The following STK3 variants were observed in gnomAD, a reference collection of about 807,000 sequenced individuals.
The protein encoded by STK3 is serine/threonine kinase 3, also known as serine/threonine-protein kinase 3.
Under a neutral mutation model 58.0 loss-of-function variants are expected in STK3, and 41 were observed. That is an observed-to-expected ratio of 0.71 (90% confidence interval 0.55 to 0.92). The LOEUF is 0.92. STK3 is among the 40% of genes least tolerant of loss of function. STK3 has a pLI of 0.00. For missense variants in STK3, 479 were observed against 602.7 expected (o/e 0.79, Z 2.15); for synonymous variants, 170 against 191.0 (o/e 0.89, Z 0.91).
intron 1 of STK3, among the ~76,000 whole-genome samples, chr8:98,923,854 T>TGTGCGCGCGCGC (rs1491486943): frequency 1.8e-5 from 2 of 113,620 alleles, no homozygotes; most frequent in Non-Finnish European, 3.8e-5. Flanking sequence ...TGTGTGTGTG[T>TGTGCGCGCGCGC]GCGCGCGCGC....
At position 98,737,001 on chromosome 8, in the gene STK3, G is replaced by A. The variant is rs139279926; in HGVS notation, c.351+12275C>T. Among the ~76,000 whole-genome samples, 177 of 152,250 alleles carry A rather than the reference G, an allele frequency of 1.2e-3. 1 individual carries two copies. The highest frequency in any genetic ancestry group is 4.2e-3 in the African/African-American group (175 of 41,546). On this transcript the variant is annotated intron_variant, in intron 4 of 10. Transcript: ENST00000419617. ...ATTATAAAGTTAAGGTCTCACATCAGAACAGGATTATGCTGTCACAACAAC... is the reference window on the plus strand; with the variant it reads ...ATTATAAAGTTAAGGTCTCACATCAAAACAGGATTATGCTGTCACAACAAC...
chr8:98,712,544 T>C (rs942046329), intron 4 of STK3, among the ~76,000 whole-genome samples: 2 of 151,322 alleles, frequency 1.3e-5, no homozygotes, highest in African/African-American at 4.9e-5. Flanking sequence ...AGAAGGCCAT[T>C]ACATAATGGT....
chr8:98,785,049 A>G (rs1832369385), intron 1 of STK3, among the ~76,000 whole-genome samples: 1 of 152,042 alleles, frequency 6.6e-6, no homozygotes, highest in African/African-American at 2.4e-5. Context: ...TACATAGATT[A>G]TGGTGCAGCA....
upstream of STK3, among the ~76,000 whole-genome samples, chr8:98,391,199 T>C (rs1304672618): frequency 6.6e-6 from 1 of 152,218 alleles, no homozygotes. Context: ...TAGCAGGCAA[T>C]GAACCTGGTT....
At chr8:98,916,153 G>A (rs974679054) in intron 1 of STK3, among the ~76,000 whole-genome samples, 8 of 152,158 alleles carry the variant, frequency 5.3e-5, no homozygotes, top group African/African-American at 1.4e-4. Context: ...GGTGGCTCAC[G>A]CCTGTAATCC....
At chr8:98,885,503 G>A (rs749837083) in intron 1 of STK3, among the ~76,000 whole-genome samples, 2 of 152,178 alleles carry the variant, frequency 1.3e-5, no homozygotes, top group Non-Finnish European at 2.9e-5. Context: ...GCAATGGCGC[G>A]ATCTCGGCTC....
At chr8:98,893,336 G>A (rs1019034845) in intron 1 of STK3, among the ~76,000 whole-genome samples, 8 of 150,788 alleles carry the variant, frequency 5.3e-5, no homozygotes, top group Admixed American at 1.3e-4. Flanking sequence ...TTGCAGTGAG[G>A]CAAGATTGCA....
chr8:98,788,442 AAAACAAAC>A (rs551372318), intron 1 of STK3, among the ~76,000 whole-genome samples: 3 of 151,492 alleles, frequency 2.0e-5, no homozygotes, highest in East Asian at 3.9e-4. Flanking sequence ...CATCTCAGAA[AAAACAAAC>A]AAACAAACAA....
At chr8:98,705,869 A>G (rs1382634242) in intron 6 of STK3, among the ~76,000 whole-genome samples, 2 of 152,200 alleles carry the variant, frequency 1.3e-5, no homozygotes, top group Non-Finnish European at 2.9e-5. Flanking sequence ...TATGCAAAAT[A>G]TATATTTCAA....
At chr8:98,666,936 G>A (rs1822412385) in intron 6 of STK3, among the ~76,000 whole-genome samples, 3 of 152,030 alleles carry the variant, frequency 2.0e-5, no homozygotes, top group Non-Finnish European at 4.4e-5. Context: ...ACCTTAATTC[G>A]TATATCTTGA....
chr8:98,647,537 A>G (rs180907927), intron 6 of STK3, among the ~76,000 whole-genome samples: 1 of 152,256 alleles, frequency 6.6e-6, no homozygotes, highest in East Asian at 1.9e-4. Flanking sequence ...CAATAAATAT[A>G]TAGTATGTTC....
chr8:98,654,729 T>C (rs1010996292), intron 6 of STK3, among the ~76,000 whole-genome samples: 4 of 152,132 alleles, frequency 2.6e-5, no homozygotes, highest in African/African-American at 9.7e-5. Context: ...GAACTCCCAT[T>C]CACAATTGCT....
intron 1 of STK3, among the ~76,000 whole-genome samples, chr8:98,913,639 T>C (rs996894996): frequency 2.6e-5 from 4 of 152,260 alleles, no homozygotes; most frequent in African/African-American, 9.6e-5. Context: ...GGTATTTCAG[T>C]GTACAAACCT....
chr8:98,774,893 T>C, intron 1 of STK3, 74 bp from the exon 2 acceptor site: 1 of 1,006,856 alleles, frequency 9.9e-7, no homozygotes, highest in Non-Finnish European at 1.4e-6. Context: ...TTTTTAAAAT[T>C]TTACCAAGTT....
At chr8:98,372,754 C>T (rs1015967100) in intron 2 of STK3, among the ~76,000 whole-genome samples, 11 of 152,166 alleles carry the variant, frequency 7.2e-5, no homozygotes, top group Admixed American at 5.2e-4. Flanking sequence ...GGAGGCAGAG[C>T]AGGATAATGA....
At chr8:98,578,776 T>G (rs990761815) in intron 8 of STK3, among the ~76,000 whole-genome samples, 4 of 152,178 alleles carry the variant, frequency 2.6e-5, no homozygotes, top group African/African-American at 9.6e-5. Context: ...CCAAGGGTTA[T>G]TCTCCTCTAT....
intron 4 of STK3, among the ~76,000 whole-genome samples, chr8:98,716,257 A>G (rs1827003730): frequency 6.6e-6 from 1 of 152,178 alleles, no homozygotes. Context: ...CATGTTGTGC[A>G]CATGTACCCT....
intron 6 of STK3, among the ~76,000 whole-genome samples, chr8:98,659,741 TAACTC>T (rs1279883686): frequency 2.6e-5 from 4 of 151,884 alleles, no homozygotes; most frequent in Non-Finnish European, 5.9e-5. Flanking sequence ...ACTAATAAAA[TAACTC>T]AAAGTTTTCT....
chr8:98,734,190 G>A (rs370800378), intron 4 of STK3, among the ~76,000 whole-genome samples: 182 of 152,186 alleles, frequency 1.2e-3, no homozygotes, highest in African/African-American at 4.1e-3. Flanking sequence ...GTCCCTCCCC[G>A]AACACTGGGG....
Sources: gnomAD v4.1 joint callset for allele counts (sites outside exome capture counted in the v4.1 genomes callset) on GRCh38, gnomAD v4.1.1 for gene constraint, MANE v1.5 for transcripts, NCBI Gene and HGNC (gene_info 2026-07-23, HGNC 2026-07-21) for gene names.